GPAT4: variants seen among roughly 807,000 people sequenced by gnomAD.
The protein encoded by GPAT4 is 1-AGP acyltransferase 6.
In GPAT4, 17 loss-of-function variants were observed where a neutral mutation model predicts 58.0. That is an observed-to-expected ratio of 0.29 (90% CI 0.20 to 0.44). GPAT4 has a LOEUF of 0.44. Among genes scored for constraint, GPAT4 ranks in the 20% least tolerant of loss-of-function variants. The pLI is 1.00. For missense variants in GPAT4, 377 were observed against 574.5 expected, an observed-to-expected ratio of 0.66 and a Z score of 3.51; for synonymous variants, 204 against 210.1, an observed-to-expected ratio of 0.97 and a Z score of 0.25.
At chr8:41,599,448 A>C (rs1803022885) in intron 2 of GPAT4, 144 bp downstream of exon 2, 1 of 982,670 alleles carries the variant, frequency 1.0e-6, no homozygotes, top group Non-Finnish European at 1.5e-6. Flanking sequence ...AGTAAGAAGA[A>C]TAACTAAACG....
chr8:41,581,698 G>T (rs1279551116), intron 1 of GPAT4, among the ~76,000 whole-genome samples: 1 of 145,300 alleles, frequency 6.9e-6, no homozygotes, highest in African/African-American at 2.5e-5. Context: ...GCGCAATCTC[G>T]GCTCACTGCA....
Position 41,612,291 on chromosome 8 carries a change from T to G in GPAT4, c.795+18T>G. On this transcript the variant is annotated intron_variant, in intron 7 of 12. Coordinates refer to ENST00000396987, the MANE Select transcript of GPAT4 (RefSeq NM_178819.4). ...ATGCCATGGTAAGAGCTCTTTCCGGTGCGTTCTTGAGGCAAGACTTCCTGC... is the reference window on the plus strand; with the variant it reads ...ATGCCATGGTAAGAGCTCTTTCCGGGGCGTTCTTGAGGCAAGACTTCCTGC... The G allele has an allele frequency of 1.7e-5, 27 of 1,613,502 alleles. No homozygotes were observed. The highest frequency in any genetic ancestry group is 2.3e-5 in the Non-Finnish European group (27 of 1,179,402).
At position 41,610,245 on chromosome 8, in the gene GPAT4, G is replaced by A. The variant is rs370458863; in HGVS notation, c.536+290G>A. 3 of 1,290,476 alleles carry A rather than the reference G, an allele frequency of 2.3e-6. No homozygotes were observed. In the African/African-American group the frequency reaches 4.5e-5, roughly 19 times the overall value. 79.9% of individuals were successfully genotyped at this position (1,290,476 alleles called of 1,614,324 possible). A position where few individuals can be genotyped will look rare whatever the true frequency, so the allele number is the denominator to read the frequency against. On this transcript the variant is annotated intron_variant, in intron 4 of 12. Transcript: ENST00000396987. The stretch of plus-strand genomic sequence containing the variant: ...TGTGTGCTTTCTGCCACTCCTTCCT[G>A]GACATGGCTCATTCTTTCCTGAAGC...
intron 1 of GPAT4, among the ~76,000 whole-genome samples, chr8:41,591,175 T>C (rs1439289681): frequency 6.6e-6 from 1 of 152,048 alleles, no homozygotes; most frequent in African/African-American, 2.4e-5. Context: ...GTAATCAGAA[T>C]GGAATAGAAC....
chr8:41,596,268 A>G (rs1255059508), intron 1 of GPAT4, among the ~76,000 whole-genome samples: 4 of 152,106 alleles, frequency 2.6e-5, no homozygotes, highest in Non-Finnish European at 5.9e-5. Context: ...CACACACACC[A>G]CAAAACAAAG....
chr8:41,592,713 C>T (rs1016093591), intron 1 of GPAT4, among the ~76,000 whole-genome samples: 21 of 152,102 alleles, frequency 1.4e-4, no homozygotes, highest in African/African-American at 4.3e-4. Context: ...CTGGTACTAG[C>T]GCATTTAGTT....
chr8:41,609,536 C>T (rs767914419), intron 3 of GPAT4, 51 bp downstream of exon 3: 2 of 1,606,378 alleles, frequency 1.2e-6, no homozygotes, highest in Non-Finnish European at 1.7e-6. Context: ...GAACAGTGTT[C>T]CCCAGTGCTT....
chr8:41,600,642 A>G (rs1271937653), intron 2 of GPAT4, among the ~76,000 whole-genome samples: 2 of 152,012 alleles, frequency 1.3e-5, no homozygotes, highest in African/African-American at 4.8e-5. Context: ...CATAAAGTTA[A>G]TAATTTTAGA....
rs1483387146 is a variant in GPAT4, at chr8:41,620,973, G to A, written c.1343G>A (p.Gly448Glu). The A allele has an allele frequency of 6.4e-7, 1 of 1,551,376 alleles. No homozygotes were observed. The highest frequency in any genetic ancestry group is 2.0e-5 in the Admixed American group (1 of 51,020). Reference protein sequence around the residue: ...QQKLYSKMIVGNHKDRSRS With the variant: ...QQKLYSKMIVENHKDRSRS ...AAGCTGTACAGCAAGATGATCGTGGGGAACCACAAGGACAGGAGCCGCTCC... is the reference window on the plus strand; with the variant it reads ...AAGCTGTACAGCAAGATGATCGTGGAGAACCACAAGGACAGGAGCCGCTCC... The change falls in exon 13 of 13, where the codon GGG (glycine) becomes GAG (glutamate). Residue 448 changes from glycine (G) to glutamate (E), a missense_variant. Transcript: ENST00000396987.
intron 5 of GPAT4, 60 bp downstream of exon 5, chr8:41,610,870 A>T: frequency 2.7e-6 from 4 of 1,506,178 alleles, no homozygotes; most frequent in Non-Finnish European, 3.6e-6. Flanking sequence ...TGGTGCTCAG[A>T]TATCGAAGGC....
In GPAT4 at chr8:41,598,421, ATGAGACATTGTG is replaced by A. The variant is rs1802988589; in HGVS notation, c.-716_-705del. 6.6e-6 allele frequency: 1 copy of A among 152,204 alleles called. No individual in the cohort carries two copies. Among genetic ancestry groups the A allele is most frequent in the Non-Finnish European group, 1.5e-5 (1 of 68,058 alleles). The allele number at this position is 152,204 out of a possible 1,614,324, so 9.4% of individuals were successfully genotyped here. A position where few individuals can be genotyped will look rare whatever the true frequency, so the allele number is the denominator to read the frequency against. ...TGGAGTTACACTCAGCACTCGCAGT[ATGAGACATTGTG>A]TGCCAGCATCTCTTTCCTTCTGGCA... On this transcript the variant is annotated 5_prime_UTR_variant, in exon 2 of 13. It removes the in-frame stop codon of an upstream open reading frame in the 5' UTR. Coordinates refer to ENST00000396987, the MANE Select transcript of GPAT4 (RefSeq NM_178819.4).
chr8:41,609,986 C>T, intron 4 of GPAT4, 31 bp downstream of exon 4: 2 of 1,566,216 alleles, frequency 1.3e-6, no homozygotes, highest in Middle Eastern at 1.9e-4. Context: ...GTGGGGCTCG[C>T]TGCTGCCACC....
rs758905649 is a variant in GPAT4, at chr8:41,600,036, C to CTTTTTTTTTTTTTTTTTTTT, written c.165+750_165+751insTTTTTTTTTTTTTTTTTTTT. Reference sequence around the variant, plus strand: ...TGTTCATATTTTATCTTTTTCTTTTCTTTTTTTTTTTTTTTTTTCGAGACA... The same window carrying CTTTTTTTTTTTTTTTTTTTT: ...TGTTCATATTTTATCTTTTTCTTTTCTTTTTTTTTTTTTTTTTTTTTTTTTTTTTTTTTTTTTTCGAGACA... On this transcript the variant is annotated intron_variant, in intron 2 of 12. Coordinates refer to ENST00000396987, the MANE Select transcript of GPAT4 (RefSeq NM_178819.4). 5.9e-4 allele frequency among the ~76,000 whole-genome samples: 59 copies of CTTTTTTTTTTTTTTTTTTTT among 100,324 alleles called. 3 individuals are homozygous for CTTTTTTTTTTTTTTTTTTTT. Among genetic ancestry groups the CTTTTTTTTTTTTTTTTTTTT allele is most frequent in the Non-Finnish European group, 8.2e-4 (43 of 52,452 alleles). The allele number at this position is 100,324 out of a possible 152,430, so 65.8% of individuals were successfully genotyped here.
chr8:41,602,865 A>T (rs946610932), intron 2 of GPAT4, among the ~76,000 whole-genome samples: 2 of 152,102 alleles, frequency 1.3e-5, no homozygotes, highest in Admixed American at 1.3e-4. Flanking sequence ...TGGTTCATAG[A>T]CATCTGTCTT....
chr8:41,604,019 A>G (rs1803183369), intron 2 of GPAT4, among the ~76,000 whole-genome samples: 1 of 149,008 alleles, frequency 6.7e-6, no homozygotes, highest in African/African-American at 2.5e-5. Flanking sequence ...ATGGCCCACA[A>G]CTTGTAACAC....
At chr8:41,589,345 C>T (rs973865790) in intron 1 of GPAT4, among the ~76,000 whole-genome samples, 9 of 32,666 alleles carry the variant, frequency 2.8e-4, no homozygotes, top group African/African-American at 7.3e-4. Flanking sequence ...AAAAGGAACT[C>T]GGGGTGGGGT....
chr8:41,590,771 G>A (rs142155893), intron 1 of GPAT4, among the ~76,000 whole-genome samples: 112 of 152,294 alleles, frequency 7.4e-4, no homozygotes, highest in African/African-American at 2.5e-3. Flanking sequence ...TTGTAGACTA[G>A]AGCATTTTGT....
intron 2 of GPAT4, among the ~76,000 whole-genome samples, chr8:41,601,070 T>C (rs1803080043): frequency 6.6e-6 from 1 of 152,182 alleles, no homozygotes; most frequent in South Asian, 2.1e-4. Context: ...ATAGTGCTGC[T>C]GTGGACCTGC....
intron 2 of GPAT4, among the ~76,000 whole-genome samples, chr8:41,601,202 C>T (rs1385921692): frequency 6.6e-6 from 1 of 152,028 alleles, no homozygotes; most frequent in Non-Finnish European, 1.5e-5. Context: ...ATCTGGAGAG[C>T]AGCTGCATGA....
Sources: gnomAD v4.1 joint callset for allele counts (sites outside exome capture counted in the v4.1 genomes callset) on GRCh38, gnomAD v4.1.1 for gene constraint, MANE v1.5 for transcripts, NCBI Gene and HGNC (gene_info 2026-07-23, HGNC 2026-07-21) for gene names.